Variants in RGS7 observed in about 807,000 individuals in gnomAD.
RGS7 encodes the protein regulator of G protein signaling 7, also known as regulator of G-protein signaling 7.
RGS7 carries 27 observed loss-of-function variants against 81.1 expected under a neutral mutation model. The ratio of observed to expected loss-of-function variants is 0.33; its 90% CI spans 0.25 to 0.46. The LOEUF (loss-of-function observed/expected upper bound fraction) is 0.46. RGS7 is among the 20% of genes least tolerant of loss of function. The pLI is 1.00. For missense variants in RGS7, 396 were observed against 607.4 expected (o/e 0.65, Z 3.66); for synonymous variants, 208 against 207.7 (o/e 1.00, Z -0.01).
At chr1:241,116,982 G>A (rs531744799) in intron 2 of RGS7, among the ~76,000 whole-genome samples, 10 of 152,246 alleles carry the variant, frequency 6.6e-5, no homozygotes, top group African/African-American at 2.4e-4. Flanking sequence ...AAGAGAGCTA[G>A]GGTTCTGAGA....
chr1:240,893,531 T>G (rs1668585357), intron 6 of RGS7, among the ~76,000 whole-genome samples: 1 of 152,148 alleles, frequency 6.6e-6, no homozygotes, highest in Non-Finnish European at 1.5e-5. Context: ...GGAATAGGTC[T>G]TAATATCCTT....
At chr1:241,062,247 C>G (rs1287605369) in intron 3 of RGS7, among the ~76,000 whole-genome samples, 1 of 152,166 alleles carries the variant, frequency 6.6e-6, no homozygotes. Flanking sequence ...TGGCAAGTCC[C>G]ACAAGGATGA....
chr1:241,251,612 C>A (rs1013595998), intron 2 of RGS7, among the ~76,000 whole-genome samples: 9 of 151,944 alleles, frequency 5.9e-5, no homozygotes, highest in African/African-American at 2.2e-4. Flanking sequence ...CAGGTTCAAG[C>A]AATTCTCCTG....
chr1:241,021,484 T>C (rs777897289), intron 3 of RGS7, among the ~76,000 whole-genome samples: 14 of 152,220 alleles, frequency 9.2e-5, no homozygotes, highest in Admixed American at 2.6e-4. Context: ...ACATCTCCGA[T>C]TGGTGCACAG....
At chr1:241,111,143 T>C (rs1187926654) in intron 2 of RGS7, among the ~76,000 whole-genome samples, 1 of 152,230 alleles carries the variant, frequency 6.6e-6, no homozygotes, top group Non-Finnish European at 1.5e-5. Flanking sequence ...ATTTATGTCT[T>C]TGTTGTTTAT....
At chr1:241,259,619 C>T (rs548426481) in intron 2 of RGS7, among the ~76,000 whole-genome samples, 41 of 116,056 alleles carry the variant, frequency 3.5e-4, no homozygotes, top group Non-Finnish European at 6.0e-4. Context: ...CATCGCACTC[C>T]AGCCTGGACA....
chr1:241,160,125 A>AAAAAAAAAAAAAAAAAAG (rs1553271928), intron 2 of RGS7, among the ~76,000 whole-genome samples: 18 of 141,342 alleles, frequency 1.3e-4, no homozygotes, highest in Non-Finnish European at 1.7e-4. Flanking sequence ...AAAAAAAAAA[A>AAAAAAAAAAAAAAAAAAG]AAAAAGAAAA....
At chr1:241,340,141 C>A (rs966545585) in intron 2 of RGS7, among the ~76,000 whole-genome samples, 20 of 152,098 alleles carry the variant, frequency 1.3e-4, no homozygotes, top group African/African-American at 4.8e-4. Flanking sequence ...CCCTAATGAT[C>A]TATACTAAAA....
chr1:241,000,814 A>ATTTT (rs10691671), intron 3 of RGS7, among the ~76,000 whole-genome samples: 3 of 130,376 alleles, frequency 2.3e-5, no homozygotes, highest in South Asian at 2.5e-4. Context: ...CACCCAGCTA[A>ATTTT]TTTTTTTTTT....
At chr1:241,262,928 G>A (rs1408518726) in intron 2 of RGS7, among the ~76,000 whole-genome samples, 5 of 151,952 alleles carry the variant, frequency 3.3e-5, no homozygotes, top group African/African-American at 9.7e-5. Flanking sequence ...GTGAAACGCC[G>A]TCTCTACTAA....
intron 9 of RGS7, among the ~76,000 whole-genome samples, chr1:240,839,546 A>G (rs1284528313): frequency 6.6e-6 from 1 of 152,218 alleles, no homozygotes; most frequent in Non-Finnish European, 1.5e-5. Context: ...AAAGGGGGTC[A>G]GAAGTAGATG....
chr1:240,836,593 A>G (rs549002995), intron 9 of RGS7, among the ~76,000 whole-genome samples: 1 of 152,214 alleles, frequency 6.6e-6, no homozygotes, highest in East Asian at 1.9e-4. Context: ...GAGGAATCCA[A>G]AATGATCCCT....
chr1:241,011,186 A>G (rs1014837846), intron 3 of RGS7, among the ~76,000 whole-genome samples: 37 of 152,210 alleles, frequency 2.4e-4, no homozygotes, highest in African/African-American at 8.7e-4. Flanking sequence ...CATTTTTAAA[A>G]AAGTTCTTGT....
intron 2 of RGS7, among the ~76,000 whole-genome samples, chr1:241,201,005 C>T (rs2815872): frequency 0.79 from 120,817 of 152,094 alleles, 48,318 homozygotes; most frequent in Admixed American, 0.85. Flanking sequence ...CCCAATCTAT[C>T]AAAAGAGAAA....
rs184813050 is a variant in RGS7 at position 241,194,050 on chromosome 1, G to T, written c.79-95288C>A. Among the ~76,000 whole-genome samples, 514 of 152,284 alleles carry T rather than the reference G, an allele frequency of 3.4e-3. 2 individuals carry two copies. Among genetic ancestry groups the T allele is most frequent in the African/African-American group, 0.012 (497 of 41,574 alleles). On this transcript the variant is annotated intron_variant, in intron 2 of 18. Coordinates refer to ENST00000440928, the MANE Select transcript of RGS7 (RefSeq NM_001364886.1). The stretch of plus-strand genomic sequence containing the variant: ...TTCTGCTCTTCTGTAGAAATCTCTA[G>T]TTCTGGATGAACATAAGCACTGTCT...
intron 6 of RGS7, among the ~76,000 whole-genome samples, chr1:240,905,739 G>A (rs1670714142): frequency 6.6e-6 from 1 of 152,098 alleles, no homozygotes; most frequent in Non-Finnish European, 1.5e-5. Context: ...AGTCATCAGG[G>A]GAAGGTCATG....
At position 240,842,199 on chromosome 1, in the gene RGS7, A is replaced by ATTTTTTTTTTTT. The variant is rs568381066; in HGVS notation, c.610-15039_610-15028dup. Among the ~76,000 whole-genome samples the ATTTTTTTTTTTT allele has an allele frequency of 4.2e-3, 330 of 78,664 alleles. 65 individuals are homozygous for ATTTTTTTTTTTT. The highest frequency in any genetic ancestry group is 0.014 in the African/African-American group (300 of 21,312). 51.6% of individuals were successfully genotyped at this position (78,664 alleles called of 152,430 possible). On this transcript the variant is annotated intron_variant, in intron 9 of 18. Coordinates refer to ENST00000440928, the MANE Select transcript of RGS7 (RefSeq NM_001364886.1). ...TGATTTCAGATTATGTTTGTCAGGA[A>ATTTTTTTTTTTT]TTTTTTTTTTTTTTTTTGAGACAGA...
At chr1:240,956,088 C>T (rs1405822896) in intron 4 of RGS7, among the ~76,000 whole-genome samples, 1 of 152,122 alleles carries the variant, frequency 6.6e-6, no homozygotes, top group Admixed American at 6.5e-5. Flanking sequence ...AACCTTTATA[C>T]ATACGTATTT....
intron 3 of RGS7, among the ~76,000 whole-genome samples, chr1:241,012,371 C>T (rs1191179519): frequency 3.3e-5 from 5 of 152,136 alleles, no homozygotes; most frequent in East Asian, 1.9e-4. Context: ...CACCAGAGTG[C>T]TGTGCAAGAA....
Sources: allele counts gnomAD v4.1 joint callset (sites outside exome capture counted in the v4.1 genomes callset), GRCh38; gene constraint gnomAD v4.1.1; transcripts MANE v1.5; gene names NCBI Gene and HGNC (gene_info 2026-07-23, HGNC 2026-07-21).